Variants in CNBD1 observed in about 807,000 individuals in gnomAD.
The protein encoded by CNBD1 is cyclic nucleotide binding domain containing 1, also known as cyclic nucleotide-binding domain-containing protein 1.
CNBD1 carries 71 observed loss-of-function variants against 54.4 expected under a neutral mutation model. The ratio of observed to expected loss-of-function variants is 1.30; its 90% CI spans 1.08 to 1.59. The LOEUF (loss-of-function observed/expected upper bound fraction) is 1.59, where lower values mean the gene tolerates loss of function less well. Among genes scored for constraint, CNBD1 ranks in the 40% most tolerant of loss-of-function variants. CNBD1 has a pLI of 0.00. For missense variants in CNBD1, 659 were observed against 518.0 expected, an observed-to-expected ratio of 1.27 and a Z score of -2.64; for synonymous variants, 182 against 170.7, an observed-to-expected ratio of 1.07 and a Z score of -0.51.
At chr8:86,907,295 C>T (rs1375671765) in intron 3 of CNBD1, among the ~76,000 whole-genome samples, 1 of 152,160 alleles carries the variant, frequency 6.6e-6, no homozygotes, top group Non-Finnish European at 1.5e-5. Flanking sequence ...ACCACATGCC[C>T]ACCTGAAGAG....
intron 4 of CNBD1, among the ~76,000 whole-genome samples, chr8:87,030,171 T>G (rs1809750219): frequency 6.6e-6 from 1 of 152,204 alleles, no homozygotes; most frequent in South Asian, 2.1e-4. Flanking sequence ...GCTTGGTAAC[T>G]TTTATGGCTG....
chr8:86,929,734 G>A (rs1809424769), intron 3 of CNBD1, among the ~76,000 whole-genome samples: 1 of 152,192 alleles, frequency 6.6e-6, no homozygotes, highest in African/African-American at 2.4e-5. Context: ...TTGGCAACTA[G>A]TATGCCATTT....
chr8:87,056,543 T>C (rs1810420159), intron 4 of CNBD1, among the ~76,000 whole-genome samples: 4 of 152,180 alleles, frequency 2.6e-5, no homozygotes, highest in Admixed American at 2.6e-4. Context: ...ACCAACAGTA[T>C]TTTAATATAT....
At chr8:87,056,991 T>C (rs1027740472) in intron 4 of CNBD1, among the ~76,000 whole-genome samples, 1 of 152,204 alleles carries the variant, frequency 6.6e-6, no homozygotes, top group Non-Finnish European at 1.5e-5. Context: ...TGTGATTTGC[T>C]TCCAACCAAA....
chr8:87,265,653 G>A (rs1367090284), intron 6 of CNBD1, among the ~76,000 whole-genome samples: 10 of 152,030 alleles, frequency 6.6e-5, no homozygotes, highest in African/African-American at 2.4e-4. Context: ...GCTAAATCTA[G>A]GCTGCAGTCT....
chr8:86,937,884 C>A (rs1809578782), intron 3 of CNBD1, among the ~76,000 whole-genome samples: 1 of 152,190 alleles, frequency 6.6e-6, no homozygotes, highest in Non-Finnish European at 1.5e-5. Flanking sequence ...TTGAATTTCT[C>A]CTCAGAAAAT....
chr8:86,871,118 C>A (rs752747645), intron 1 of CNBD1, among the ~76,000 whole-genome samples: 1 of 152,090 alleles, frequency 6.6e-6, no homozygotes, highest in East Asian at 1.9e-4. Flanking sequence ...TTTTGAGTGG[C>A]GTTTAGAAAT....
chr8:87,258,578 T>G (rs1471623027), intron 6 of CNBD1, among the ~76,000 whole-genome samples: 1 of 152,026 alleles, frequency 6.6e-6, no homozygotes, highest in African/African-American at 2.4e-5. Flanking sequence ...TGAACCACCA[T>G]GCCAGGCCAA....
At chr8:87,388,878 A>G (rs1811248998) in intron 2 of CNBD1, among the ~76,000 whole-genome samples, 1 of 152,248 alleles carries the variant, frequency 6.6e-6, no homozygotes, top group Non-Finnish European at 1.5e-5. Context: ...TGAATCCAGC[A>G]GCACATCAAA....
At chr8:87,384,696 A>G (rs1015833942), downstream of CNBD1, among the ~76,000 whole-genome samples, 1 of 152,214 alleles carries the variant, frequency 6.6e-6, no homozygotes, top group African/African-American at 2.4e-5. Flanking sequence ...AGGACTATCA[A>G]ATGGGCATGG....
chr8:87,233,317 A>G (rs1807499780), intron 5 of CNBD1, among the ~76,000 whole-genome samples: 1 of 152,078 alleles, frequency 6.6e-6, no homozygotes, highest in Non-Finnish European at 1.5e-5. Context: ...CACTCCTCAG[A>G]GAAATTTCAG....
At chr8:87,126,585 C>T (rs1410581789) in intron 4 of CNBD1, among the ~76,000 whole-genome samples, 2 of 151,916 alleles carry the variant, frequency 1.3e-5, no homozygotes, top group East Asian at 1.9e-4. Context: ...TATTTTCTCC[C>T]AGTATGACCT....
rs558718466 is a variant in CNBD1 at position 87,021,926 on chromosome 8, A to C, written c.431+82172A>C. Reference sequence around the variant, plus strand: ...GATCTATGTGAGAGATAAAACACACAAATATACATTTTTAATAGATAAGTA... The same window carrying C: ...GATCTATGTGAGAGATAAAACACACCAATATACATTTTTAATAGATAAGTA... On this transcript the variant is annotated intron_variant, in intron 4 of 10. Transcript: ENST00000518476. Among the ~76,000 whole-genome samples the C allele has an allele frequency of 3.3e-5, 5 of 152,364 alleles. No individual in the cohort carries two copies. The South Asian group carries it at 1.0e-3, about 32-fold the overall frequency.
chr8:87,079,628 T>G (rs1810945913), intron 4 of CNBD1, among the ~76,000 whole-genome samples: 1 of 152,188 alleles, frequency 6.6e-6, no homozygotes, highest in Admixed American at 6.5e-5. Context: ...CGCTTATTGA[T>G]TTATCTTTTG....
At chr8:86,980,138 A>C (rs1808448867) in intron 4 of CNBD1, among the ~76,000 whole-genome samples, 1 of 152,230 alleles carries the variant, frequency 6.6e-6, no homozygotes, top group Non-Finnish European at 1.5e-5. Context: ...ACATTTGGAA[A>C]TGTATCACTT....
In CNBD1 at chr8:87,410,849, T is replaced by C. The variant is rs549173241; in HGVS notation, c.214-17697T>C. Among the ~76,000 whole-genome samples the C allele has an allele frequency of 3.3e-5, 5 of 152,234 alleles. No homozygotes were observed. The Middle Eastern group carries it at 0.01, about 311-fold the overall frequency. On this transcript the variant is annotated intron_variant, in intron 2 of 7. Coordinates refer to the CNBD1 transcript ENST00000521593. ...TATTAGCAACTACCACCCTGATAAA[T>C]CTGCAGCTGTTCACATCAAGGAAAG...
Position 86,967,477 on chromosome 8 carries a change from T to G in CNBD1, c.431+27723T>G, listed in dbSNP as rs547249465. On this transcript the variant is annotated intron_variant, in intron 4 of 10. Coordinates refer to ENST00000518476, the MANE Select transcript of CNBD1 (RefSeq NM_173538.3). The stretch of plus-strand genomic sequence containing the variant: ...AGGGGCGGGGCTCCCACTGGCTTCA[T>G]GGAGTGTGCAGCACCAACTGAGCCT... Among the ~76,000 whole-genome samples the G allele has an allele frequency of 5.9e-4, 90 of 152,344 alleles. 2 individuals are homozygous for G. In the South Asian group the frequency reaches 0.019, roughly 32 times the overall value.
chr8:87,207,482 A>G (rs1373532749), intron 5 of CNBD1, among the ~76,000 whole-genome samples: 1 of 152,060 alleles, frequency 6.6e-6, no homozygotes, highest in Non-Finnish European at 1.5e-5. Flanking sequence ...ACACATAAAC[A>G]TATATCTTTT....
intron 1 of CNBD1, among the ~76,000 whole-genome samples, chr8:86,882,239 G>T (rs1335989390): frequency 2.6e-5 from 4 of 152,020 alleles, no homozygotes; most frequent in Non-Finnish European, 4.4e-5. Flanking sequence ...TAAACACACA[G>T]CCTACAGAAT....
Sources: allele counts gnomAD v4.1 joint callset (sites outside exome capture counted in the v4.1 genomes callset), GRCh38; gene constraint gnomAD v4.1.1; transcripts MANE v1.5; gene names NCBI Gene and HGNC (gene_info 2026-07-23, HGNC 2026-07-21).